FBXL13: variants seen among roughly 807,000 people sequenced by gnomAD.
The protein encoded by FBXL13 is F-box and leucine-rich repeat protein 13.
In FBXL13, 67 loss-of-function variants were observed where a neutral mutation model predicts 83.6. That is an observed-to-expected ratio of 0.80 (90% CI 0.66 to 0.98). The LOEUF (loss-of-function observed/expected upper bound fraction) is 0.98. FBXL13 is among the 50% of genes least tolerant of loss of function. The pLI is 0.00. For synonymous variants in FBXL13, 272 were observed against 299.5 expected, an observed-to-expected ratio of 0.91 and a Z score of 0.95; for missense variants, 822 against 866.5, an observed-to-expected ratio of 0.95 and a Z score of 0.64.
intron 6 of FBXL13, chr7:102,976,112 C>G (rs772074320): frequency 6.5e-6 from 5 of 766,480 alleles, no homozygotes; most frequent in South Asian, 5.4e-5. Flanking sequence ...CTGAGCCAAT[C>G]AAACCCTCCT....
chr7:102,837,307 A>C (rs543986416), intron 17 of FBXL13, among the ~76,000 whole-genome samples: 1 of 152,220 alleles, frequency 6.6e-6, no homozygotes, highest in Non-Finnish European at 1.5e-5. Flanking sequence ...CAGGCTGAGC[A>C]AGGCTTAGCA....
intron 2 of FBXL13, among the ~76,000 whole-genome samples, chr7:103,041,313 C>T (rs1795665514): frequency 6.6e-6 from 1 of 152,130 alleles, no homozygotes; most frequent in South Asian, 2.1e-4. Context: ...AAAACAGGTT[C>T]TGAAATTGAA....
At chr7:103,066,513 TC>T (rs1798405863) in intron 1 of FBXL13, among the ~76,000 whole-genome samples, 1 of 151,380 alleles carries the variant, frequency 6.6e-6, no homozygotes, top group Non-Finnish European at 1.5e-5. Context: ...TGCCTCAGCC[TC>T]CTGAGCAGCT....
intron 6 of FBXL13, among the ~76,000 whole-genome samples, chr7:102,993,794 TG>T (rs1829824809): frequency 6.6e-6 from 1 of 152,228 alleles, no homozygotes; most frequent in South Asian, 2.1e-4. Flanking sequence ...TTTCATGAGT[TG>T]ATGTAACTGA....
At position 102,934,642 on chromosome 7, in the gene FBXL13, C is replaced by T. The variant is rs150294157; in HGVS notation, c.725-2709G>A. On this transcript the variant is annotated intron_variant, in intron 8 of 19. Coordinates refer to ENST00000313221, the Ensembl canonical transcript of FBXL13. ...CTGAGGTGGACTCAACTTTTTGCCA[C>T]AATTATGTGTTTCCCATACAAACAC... 1.7e-5 allele frequency: 28 copies of T among 1,606,110 alleles called. No homozygotes were observed. In the East Asian group the frequency reaches 5.8e-4, roughly 33 times the overall value.
At chr7:102,960,632 C>G (rs912996029) in intron 8 of FBXL13, among the ~76,000 whole-genome samples, 2 of 152,120 alleles carry the variant, frequency 1.3e-5, no homozygotes, top group Admixed American at 6.5e-5. Flanking sequence ...AAAGCTTATC[C>G]ACCACAATCA....
At chr7:103,027,423 TA>T (rs748899330) in intron 5 of FBXL13, 25 bp downstream of exon 6, 58 of 1,502,216 alleles carry the variant, frequency 3.9e-5, no homozygotes, top group Middle Eastern at 1.7e-4. Flanking sequence ...TTCGGATTCT[TA>T]AAAAATTGTT....
intron 6 of FBXL13, chr7:102,976,014 AAACCC>A (rs1211884919): frequency 7.8e-6 from 6 of 766,328 alleles, no homozygotes; most frequent in Admixed American, 6.8e-5. Flanking sequence ...AAACCCAGGT[AAACCC>A]ACGAGGCCAT....
intron 16 of FBXL13, among the ~76,000 whole-genome samples, chr7:102,866,305 A>G (rs966696033): frequency 6.6e-6 from 1 of 152,118 alleles, no homozygotes. Flanking sequence ...TTTAGTAGGC[A>G]CTTTGCTAGA....
intron 6 of FBXL13, among the ~76,000 whole-genome samples, chr7:102,997,638 T>C (rs1789950944): frequency 6.6e-6 from 1 of 152,192 alleles, no homozygotes; most frequent in African/African-American, 2.4e-5. Context: ...GATCCACTTT[T>C]TTAGTTCCCA....
At chr7:102,879,032 A>T (rs1314496890) in intron 14 of FBXL13, among the ~76,000 whole-genome samples, 1 of 152,158 alleles carries the variant, frequency 6.6e-6, no homozygotes, top group Non-Finnish European at 1.5e-5. Context: ...TACCATGTTG[A>T]TCTTGCTTTA....
At chr7:102,917,967 A>G (rs983397831) in intron 10 of FBXL13, among the ~76,000 whole-genome samples, 1 of 152,208 alleles carries the variant, frequency 6.6e-6, no homozygotes, top group East Asian at 1.9e-4. Flanking sequence ...CAAGTCCCCA[A>G]AGAAGTGAGA....
At chr7:103,058,688 G>A (rs1797573794) in intron 1 of FBXL13, among the ~76,000 whole-genome samples, 1 of 152,184 alleles carries the variant, frequency 6.6e-6, no homozygotes, top group Admixed American at 6.5e-5. Context: ...CTAGAAACCT[G>A]CATTTTACTA....
intron 5 of FBXL13, among the ~76,000 whole-genome samples, chr7:103,026,624 A>G (rs1161211992): frequency 6.6e-6 from 1 of 152,202 alleles, no homozygotes; most frequent in African/African-American, 2.4e-5. Context: ...AATCTCTGAG[A>G]TGCTTAAAGC....
chr7:102,838,836 G>T lies in FBXL13; in HGVS notation c.1720-5862C>A, dbSNP rs571968974. Reference sequence around the variant, plus strand: ...AGGGACCTCTGCCCTGGAAAGCTGGGTATTGTCCAAGGTTTCTCCCCATGT... The same window carrying T: ...AGGGACCTCTGCCCTGGAAAGCTGGTTATTGTCCAAGGTTTCTCCCCATGT... On this transcript the variant is annotated intron_variant, in intron 17 of 19. Transcript: ENST00000313221. 9.8e-5 allele frequency among the ~76,000 whole-genome samples: 15 copies of T among 152,308 alleles called. No homozygotes were observed. In the South Asian group the frequency reaches 3.1e-3, roughly 32 times the overall value.
intron 6 of FBXL13, among the ~76,000 whole-genome samples, chr7:103,021,952 C>A (rs7806654): frequency 6.6e-6 from 1 of 152,114 alleles, no homozygotes; most frequent in East Asian, 1.9e-4. Flanking sequence ...ACTAGAATTA[C>A]CATTTGACCC....
intron 17 of FBXL13, among the ~76,000 whole-genome samples, chr7:102,840,370 C>CAAAAGTTTATTTTTACATT (rs1802713483): frequency 6.6e-6 from 1 of 152,224 alleles, no homozygotes; most frequent in African/African-American, 2.4e-5. Context: ...TTTTACATTT[C>CAAAAGTTTATTTTTACATT]TCTAAGTTTA....
chr7:102,858,692 G>T (rs1806382125), intron 16 of FBXL13, among the ~76,000 whole-genome samples: 1 of 152,180 alleles, frequency 6.6e-6, no homozygotes, highest in African/African-American at 2.4e-5. Flanking sequence ...GCTACTATAT[G>T]AACGAAACTT....
At chr7:103,022,093 A>G (rs4609128) in intron 6 of FBXL13, among the ~76,000 whole-genome samples, 48,349 of 152,026 alleles carry the variant, frequency 0.32, 7,927 homozygotes, top group East Asian at 0.59. Flanking sequence ...ATGTCCAACA[A>G]TGATAGACTG....
Sources: allele counts gnomAD v4.1 joint callset (sites outside exome capture counted in the v4.1 genomes callset), GRCh38; gene constraint gnomAD v4.1.1; transcripts MANE v1.5; gene names NCBI Gene and HGNC (gene_info 2026-07-23, HGNC 2026-07-21).